Variants in COG5 observed in about 807,000 individuals in gnomAD.
The protein encoded by COG5 is component of oligomeric golgi complex 5, also known as conserved oligomeric Golgi complex subunit 5.
A neutral mutation model predicts 110.4 loss-of-function variants in COG5; 86 were observed. That is an observed-to-expected ratio of 0.78 (90% CI 0.65 to 0.93). The LOEUF is 0.93. COG5 is among the 40% of genes least tolerant of loss of function. COG5 has a pLI of 0.00. For synonymous variants in COG5, 360 were observed against 334.6 expected (o/e 1.08, Z -0.83); for missense variants, 1,077 against 987.0 (o/e 1.09, Z -1.22).
intron 1 of COG5, among the ~76,000 whole-genome samples, chr7:107,563,237 A>G (rs1563103572): frequency 6.6e-6 from 1 of 152,100 alleles, no homozygotes; most frequent in Non-Finnish European, 1.5e-5. Context: ...GTTAATCCCA[A>G]CCTGAACAAA....
At chr7:107,529,488 C>G (rs934666800) in intron 5 of COG5, among the ~76,000 whole-genome samples, 2 of 152,164 alleles carry the variant, frequency 1.3e-5, no homozygotes, top group African/African-American at 4.8e-5. Context: ...GGAGTATGAC[C>G]TTCCGGGGGC....
chr7:107,464,846 G>GT (rs1796206417), intron 6 of COG5, among the ~76,000 whole-genome samples: 1 of 152,108 alleles, frequency 6.6e-6, no homozygotes, highest in Non-Finnish European at 1.5e-5. Context: ...TATACTACGG[G>GT]TTTTTTCACA....
chr7:107,263,174 A>G (rs912315845), intron 14 of COG5, among the ~76,000 whole-genome samples: 2 of 152,156 alleles, frequency 1.3e-5, no homozygotes, highest in African/African-American at 2.4e-5. Context: ...AGGCACCTCA[A>G]CTACTTCATA....
intron 7 of COG5, among the ~76,000 whole-genome samples, chr7:107,405,303 T>C (rs1211296038): frequency 6.6e-6 from 1 of 152,208 alleles, no homozygotes; most frequent in African/African-American, 2.4e-5. Flanking sequence ...GAACAGAGAC[T>C]GAACAATGGT....
At chr7:107,531,819 T>C (rs908336399) in intron 5 of COG5, among the ~76,000 whole-genome samples, 1 of 152,102 alleles carries the variant, frequency 6.6e-6, no homozygotes, top group Non-Finnish European at 1.5e-5. Context: ...CCACTTTGCC[T>C]GAGACTGAGA....
intron 7 of COG5, among the ~76,000 whole-genome samples, chr7:107,382,103 T>A (rs1235071385): frequency 6.6e-6 from 1 of 152,168 alleles, no homozygotes; most frequent in Non-Finnish European, 1.5e-5. Flanking sequence ...GCAGAGTCCA[T>A]AAAAGTCCAG....
In COG5 at chr7:107,294,952, T is replaced by C. The variant is rs1462340005; in HGVS notation, c.1313+3190A>G. Among the ~76,000 whole-genome samples, 128 of 81,954 alleles carry C rather than the reference T, an allele frequency of 1.6e-3. 1 individual carries two copies. The highest frequency in any genetic ancestry group is 2.8e-3 in the African/African-American group (66 of 23,180). 53.8% of individuals were successfully genotyped at this position (81,954 alleles called of 152,430 possible). On this transcript the variant is annotated intron_variant, in intron 12 of 21. Coordinates refer to ENST00000297135, the MANE Select transcript of COG5 (RefSeq NM_006348.5). ...ATATACACACACACACACACACACA[T>C]ATATATATACACACATATATATATA... is the stretch of plus-strand genomic sequence containing the variant.
intron 19 of COG5, among the ~76,000 whole-genome samples, chr7:107,229,343 G>C (rs749429783): frequency 6.6e-6 from 1 of 152,120 alleles, no homozygotes; most frequent in African/African-American, 2.4e-5. Flanking sequence ...CAGCTACTCA[G>C]GAGGCAGAGA....
chr7:107,353,096 A>T (rs1467910082), intron 10 of COG5, among the ~76,000 whole-genome samples: 2 of 152,220 alleles, frequency 1.3e-5, no homozygotes, highest in African/African-American at 4.8e-5. Context: ...TAATTTAAAA[A>T]TGAAATACTG....
intron 3 of COG5, among the ~76,000 whole-genome samples, chr7:107,549,932 C>T (rs144418219): frequency 1.1e-4 from 17 of 152,244 alleles, no homozygotes; most frequent in African/African-American, 2.2e-4. Flanking sequence ...CATATACAGA[C>T]GTATACACAT....
intron 6 of COG5, among the ~76,000 whole-genome samples, chr7:107,482,611 AACTC>A (rs1215095746): frequency 6.6e-6 from 1 of 152,108 alleles, no homozygotes; most frequent in Non-Finnish European, 1.5e-5. Context: ...CTTGAAAAAA[AACTC>A]CTCCATTTAC....
intron 6 of COG5, among the ~76,000 whole-genome samples, chr7:107,517,714 T>G (rs533949950): frequency 4.6e-5 from 7 of 151,944 alleles, no homozygotes; most frequent in South Asian, 2.1e-4. Context: ...TTTTTTTTTT[T>G]TGTGATGGAG....
chr7:107,451,534 TTC>T (rs1430183311), intron 6 of COG5, among the ~76,000 whole-genome samples: 1 of 152,136 alleles, frequency 6.6e-6, no homozygotes, highest in African/African-American at 2.4e-5. Context: ...TGCCATGTAT[TTC>T]TGTCAAGTTA....
intron 12 of COG5, among the ~76,000 whole-genome samples, chr7:107,293,761 T>C (rs1028785553): frequency 6.6e-6 from 1 of 152,032 alleles, no homozygotes; most frequent in African/African-American, 2.4e-5. Context: ...CTCTTCCAAT[T>C]CCACGATTTA....
chr7:107,416,101 A>G (rs1386070096), intron 6 of COG5, among the ~76,000 whole-genome samples: 1 of 151,612 alleles, frequency 6.6e-6, no homozygotes, highest in Admixed American at 6.6e-5. Context: ...CTATCTGATA[A>G]GGTTTCATAT....
chr7:107,312,435 G>A (rs1052327565), intron 11 of COG5, among the ~76,000 whole-genome samples: 10 of 152,120 alleles, frequency 6.6e-5, no homozygotes, highest in African/African-American at 2.4e-4. Context: ...TGCTGAAATC[G>A]GGTACATTAA....
chr7:107,543,222 G>A (rs995065644), intron 5 of COG5, among the ~76,000 whole-genome samples: 4 of 152,220 alleles, frequency 2.6e-5, no homozygotes, highest in Middle Eastern at 3.4e-3. Context: ...ATTACAGCAC[G>A]TGAATACAGC....
chr7:107,455,693 A>C (rs1031042356), intron 6 of COG5, among the ~76,000 whole-genome samples: 6 of 152,156 alleles, frequency 3.9e-5, no homozygotes, highest in African/African-American at 9.7e-5. Context: ...ATAGGGCATA[A>C]ATTTGTATAG....
intron 14 of COG5, 70 bp from the exon 15 acceptor site, chr7:107,258,453 C>T (rs1803059014): frequency 2.3e-6 from 2 of 856,044 alleles, no homozygotes; most frequent in Non-Finnish European, 4.1e-6. Context: ...CTCTCTCTCA[C>T]ACACACACAT....
Sources: gnomAD v4.1 joint callset for allele counts (sites outside exome capture counted in the v4.1 genomes callset) on GRCh38, gnomAD v4.1.1 for gene constraint, MANE v1.5 for transcripts, NCBI Gene and HGNC (gene_info 2026-07-23, HGNC 2026-07-21) for gene names.